Variants in G3BP2 observed in about 807,000 individuals in gnomAD.
The protein encoded by G3BP2 is G3BP stress granule assembly factor 2, also known as ras GTPase-activating protein-binding protein 2.
G3BP2 carries 11 observed loss-of-function variants against 56.7 expected under a neutral mutation model. The observed-to-expected ratio is 0.19, with a 90% CI of 0.12 to 0.32. The LOEUF is 0.32. G3BP2 is among the 10% of genes least tolerant of loss of function. The probability of loss-of-function intolerance (pLI) is 1.00; values close to 1 mark genes in which losing one functional copy is unlikely to be tolerated. For missense variants in G3BP2, 340 were observed against 610.9 expected (o/e 0.56, Z 4.67); for synonymous variants, 165 against 191.6 (o/e 0.86, Z 1.15).
intron 4 of G3BP2, 43 bp downstream of exon 4, chr4:75,657,514 T>C (rs777946862): frequency 1.2e-5 from 18 of 1,453,080 alleles, no homozygotes; most frequent in Non-Finnish European, 1.6e-5. Context: ...TTCAACCAAC[T>C]AGCAACCATA....
At chr4:75,645,787 CA>C in intron 11 of G3BP2, 85 bp from the exon 12 acceptor site, 2 of 1,251,094 alleles carry the variant, frequency 1.6e-6, no homozygotes, top group Non-Finnish European at 2.3e-6. Context: ...GTCAGATAAG[CA>C]TAAGGAATAA....
intron 3 of G3BP2, among the ~76,000 whole-genome samples, chr4:75,694,527 C>T (rs971262964): frequency 6.6e-6 from 1 of 152,120 alleles, no homozygotes; most frequent in East Asian, 1.9e-4. Flanking sequence ...TGGCGCGAAC[C>T]CGGTAGGCGG....
At chr4:75,711,265 G>C (rs1475171476) in intron 3 of G3BP2, among the ~76,000 whole-genome samples, 2 of 151,204 alleles carry the variant, frequency 1.3e-5, no homozygotes, top group African/African-American at 4.9e-5. Flanking sequence ...GTTGCAGTGA[G>C]CCAAGATTGT....
chr4:75,709,297 G>A (rs563644703), intron 3 of G3BP2, among the ~76,000 whole-genome samples: 2 of 151,446 alleles, frequency 1.3e-5, no homozygotes, highest in South Asian at 2.1e-4. Flanking sequence ...GTTGGCCCCT[G>A]TAATCTCAGC....
chr4:75,685,250 C>A (rs1718543836), intron 3 of G3BP2, among the ~76,000 whole-genome samples: 1 of 151,418 alleles, frequency 6.6e-6, no homozygotes, highest in South Asian at 2.1e-4. Context: ...CCTGTAATCC[C>A]AGCACTTTGG....
intron 9 of G3BP2, 109 bp downstream of exon 9, chr4:75,648,530 G>C (rs1160729992): frequency 3.8e-6 from 2 of 530,092 alleles, no homozygotes; most frequent in Non-Finnish European, 6.8e-6. Flanking sequence ...TAAGCAATTT[G>C]AGACTATATG....
intron 3 of G3BP2, among the ~76,000 whole-genome samples, chr4:75,704,735 C>G (rs1362945215): frequency 6.6e-6 from 1 of 151,880 alleles, no homozygotes; most frequent in African/African-American, 2.4e-5. Context: ...TGGGTTCAAG[C>G]GATTCTTCTG....
chr4:75,704,271 C>A (rs1330882664), intron 3 of G3BP2, among the ~76,000 whole-genome samples: 1 of 151,988 alleles, frequency 6.6e-6, no homozygotes, highest in Non-Finnish European at 1.5e-5. Flanking sequence ...CCCACCTCAG[C>A]CTCCCAAAGT....
chr4:75,702,514 C>T (rs909214934), intron 3 of G3BP2, among the ~76,000 whole-genome samples: 1 of 152,160 alleles, frequency 6.6e-6, no homozygotes, highest in Non-Finnish European at 1.5e-5. Flanking sequence ...CTAAGATGTA[C>T]AATTGAATTT....
At chr4:75,675,294 A>G (rs966605515), upstream of G3BP2, among the ~76,000 whole-genome samples, 4 of 152,172 alleles carry the variant, frequency 2.6e-5, no homozygotes, top group Admixed American at 6.5e-5. Context: ...ATTCTTCACC[A>G]TGTATCCTGC....
rs1731156821 is a variant in G3BP2 at position 75,645,566 on chromosome 4, C to T, written c.1313G>A (p.Arg438His). The T allele has an allele frequency of 2.5e-6, 4 of 1,613,984 alleles. No homozygotes were observed. Among genetic ancestry groups the T allele is most frequent in the Non-Finnish European group, 3.4e-6 (4 of 1,180,024 alleles). The change falls in exon 12 of 12, where the codon CGT (arginine) becomes CAT (histidine). Residue 438 changes from arginine (R) to histidine (H), a missense_variant. By Grantham distance (29) the Arg-to-His change is conservative (BLOSUM62 0). Coordinates refer to ENST00000359707, the MANE Select transcript of G3BP2 (RefSeq NM_203505.3). ...CATCATTCCACCACCCACAATTCCA[C>T]GTGGACCACCGGGACCTCGATCATT... ...RRNDRGPGGPRGIVGGGMMRD... is the reference protein window; with the variant it reads ...RRNDRGPGGPHGIVGGGMMRD...
chr4:75,693,162 T>G (rs1407378661), intron 3 of G3BP2, among the ~76,000 whole-genome samples: 4 of 152,116 alleles, frequency 2.6e-5, no homozygotes, highest in Non-Finnish European at 4.4e-5. Context: ...GAGAATCACT[T>G]GAACCTGGGA....
intron 3 of G3BP2, among the ~76,000 whole-genome samples, chr4:75,700,664 C>T (rs1410820700): frequency 6.7e-6 from 1 of 149,954 alleles, no homozygotes; most frequent in Admixed American, 6.6e-5. Context: ...CGTGATCCGC[C>T]TGCCTTGGGC....
At chr4:75,714,362 C>T (rs1055309005) in intron 3 of G3BP2, among the ~76,000 whole-genome samples, 10 of 152,318 alleles carry the variant, frequency 6.6e-5, no homozygotes, top group Non-Finnish European at 1.5e-4. Flanking sequence ...CACAGTGGCC[C>T]ACGCCTGTAA....
Position 75,654,905 on chromosome 4 carries a change from C to G in G3BP2, c.726+161G>C, listed in dbSNP as rs560520145. Reference sequence around the variant, plus strand: ...AGGGGTATTTTGCGGGGCAGGGAAACAATAACATTTTCTCAGGTAACAAAC... The same window carrying G: ...AGGGGTATTTTGCGGGGCAGGGAAAGAATAACATTTTCTCAGGTAACAAAC... On this transcript the variant is annotated intron_variant, in intron 7 of 11. Coordinates refer to ENST00000359707, the MANE Select transcript of G3BP2 (RefSeq NM_203505.3). 6.7e-6 allele frequency: 4 copies of G among 595,602 alleles called. No individual in the cohort carries two copies. In the Admixed American group the frequency reaches 1.1e-4, roughly 16 times the overall value. 36.9% of individuals were successfully genotyped at this position (595,602 alleles called of 1,614,324 possible).
At chr4:75,715,842 T>TA (rs768143385) in intron 3 of G3BP2, among the ~76,000 whole-genome samples, 29 of 152,278 alleles carry the variant, frequency 1.9e-4, no homozygotes, top group Non-Finnish European at 3.2e-4. Flanking sequence ...ACGAACTTTT[T>TA]AAAAAACAAA....
In G3BP2 at chr4:75,658,939, T is replaced by C. The variant is rs1732329751; in HGVS notation, c.96-15A>G. 4 of 1,563,022 alleles carry C rather than the reference T, an allele frequency of 2.6e-6. No homozygotes were observed. Among genetic ancestry groups the C allele is most frequent in the Non-Finnish European group, 3.5e-6 (4 of 1,133,420 alleles). On this transcript the variant is annotated splice_polypyrimidine_tract_variant and intron_variant, in intron 2 of 11. Transcript: ENST00000359707. ...TGCCATAAAACCTGCAAAACCATAA[T>C]TAATGATTAACACTGAATTGTCAAG...
chr4:75,654,538 T>C (rs1731940441), intron 7 of G3BP2, among the ~76,000 whole-genome samples: 1 of 152,216 alleles, frequency 6.6e-6, no homozygotes, highest in Non-Finnish European at 1.5e-5. Flanking sequence ...ACCACTCAAA[T>C]ATACTTTAAC....
At chr4:75,648,365 CAA>C (rs35170246) in intron 9 of G3BP2, among the ~76,000 whole-genome samples, 9 of 142,550 alleles carry the variant, frequency 6.3e-5, no homozygotes, top group Admixed American at 7.1e-5. Flanking sequence ...AACAAACAAA[CAA>C]AAAAAAAAAA....
Sources: gnomAD v4.1 joint callset for allele counts (sites outside exome capture counted in the v4.1 genomes callset) on GRCh38, gnomAD v4.1.1 for gene constraint, MANE v1.5 for transcripts, NCBI Gene and HGNC (gene_info 2026-07-23, HGNC 2026-07-21) for gene names.